The following EPB41L2 variants were observed in gnomAD, a reference collection of about 807,000 sequenced individuals.
EPB41L2 encodes erythrocyte membrane protein band 4.1 like 2.
Under a neutral mutation model 113.0 loss-of-function variants are expected in EPB41L2, and 43 were observed. The observed-to-expected ratio is 0.38, with a 90% confidence interval of 0.30 to 0.49. The LOEUF (loss-of-function observed/expected upper bound fraction) is 0.49. Ranked by LOEUF, EPB41L2 falls within the 20% of genes least tolerant of loss-of-function variation. The pLI is 0.95. For missense variants in EPB41L2, 1,147 were observed against 1,223.4 expected (o/e 0.94, Z 0.93); for synonymous variants, 442 against 436.7 (o/e 1.01, Z -0.15).
At chr6:130,910,907 A>G (rs1459309735) in intron 4 of EPB41L2, among the ~76,000 whole-genome samples, 1 of 152,216 alleles carries the variant, frequency 6.6e-6, no homozygotes, top group African/African-American at 2.4e-5. Flanking sequence ...AGAAACAGGA[A>G]CACTTTTACA....
intron 8 of EPB41L2, among the ~76,000 whole-genome samples, chr6:130,899,245 T>C (rs2128493715): frequency 6.6e-6 from 1 of 150,744 alleles, no homozygotes; most frequent in Middle Eastern, 3.5e-3. Flanking sequence ...AGGTGTGTCA[T>C]AGTAAGTACC....
At position 130,899,541 on chromosome 6, in the gene EPB41L2, C is replaced by T; in HGVS notation, c.1186G>A (p.Glu396Lys). The T allele has an allele frequency of 1.2e-6, 2 of 1,613,958 alleles. No homozygotes were observed. The highest frequency in any genetic ancestry group is 1.7e-6 in the Non-Finnish European group (2 of 1,179,870). The change falls in exon 8 of 20, where the codon GAA becomes AAA. Residue 396 changes from glutamate (E) to lysine (K), a missense_variant. Transcript: ENST00000337057. ...TACATGGAAAGCCTCTTTGCATTTT[C>T]TAAGAACTGGGAATCAGCTTGTGCT... ...SPAQADSQFL[E>K]NAKRLSMYGV...
intron 1 of EPB41L2, among the ~76,000 whole-genome samples, chr6:130,963,283 T>C (rs914531476): frequency 2.6e-5 from 4 of 152,210 alleles, no homozygotes; most frequent in Admixed American, 6.5e-5. Context: ...ATTAAGAAAC[T>C]GAGAGTACAT....
intron 1 of EPB41L2, among the ~76,000 whole-genome samples, chr6:131,007,485 A>G (rs1412920165): frequency 6.6e-6 from 1 of 152,188 alleles, no homozygotes; most frequent in African/African-American, 2.4e-5. Flanking sequence ...TGCCGCTGTA[A>G]AGATAACCGA....
chr6:130,997,596 G>A (rs569144992), intron 1 of EPB41L2, among the ~76,000 whole-genome samples: 22 of 152,204 alleles, frequency 1.4e-4, no homozygotes, highest in African/African-American at 4.6e-4. Flanking sequence ...CACAATACAC[G>A]CACAATTTAA....
intron 1 of EPB41L2, among the ~76,000 whole-genome samples, chr6:131,033,933 C>T (rs552877398): frequency 1.1e-4 from 16 of 152,090 alleles, no homozygotes; most frequent in South Asian, 2.1e-4. Flanking sequence ...GTTAAAATGG[C>T]AAATTTTTTA....
At chr6:131,059,113 A>ATTT (rs1798168810) in intron 1 of EPB41L2, among the ~76,000 whole-genome samples, 1 of 71,378 alleles carries the variant, frequency 1.4e-5, no homozygotes, top group Non-Finnish European at 2.9e-5. Context: ...CTTACCTATA[A>ATTT]CTTTTTTTTT....
At chr6:130,923,811 G>A (rs368795423) in intron 4 of EPB41L2, among the ~76,000 whole-genome samples, 15 of 152,210 alleles carry the variant, frequency 9.9e-5, no homozygotes, top group African/African-American at 3.6e-4. Context: ...TACACAGGTA[G>A]TGGGATTATT....
intron 16 of EPB41L2, among the ~76,000 whole-genome samples, chr6:130,866,457 G>A (rs1016356414): frequency 6.6e-6 from 1 of 152,080 alleles, no homozygotes; most frequent in African/African-American, 2.4e-5. Flanking sequence ...TTCAAACTTG[G>A]GTCATGCACC....
intron 1 of EPB41L2, among the ~76,000 whole-genome samples, chr6:130,991,050 C>G (rs963941542): frequency 6.6e-6 from 1 of 151,966 alleles, no homozygotes; most frequent in South Asian, 2.1e-4. Context: ...AGGATGGTCT[C>G]AATCTCGTAA....
intron 17 of EPB41L2, among the ~76,000 whole-genome samples, chr6:130,864,889 A>T (rs1043298689): frequency 6.6e-6 from 1 of 152,240 alleles, no homozygotes; most frequent in Non-Finnish European, 1.5e-5. Flanking sequence ...AAATAGTGGA[A>T]AATAAGGCTG....
intron 3 of EPB41L2, among the ~76,000 whole-genome samples, chr6:130,937,729 T>C (rs549050009): frequency 2.1e-4 from 32 of 151,390 alleles, no homozygotes; most frequent in Middle Eastern, 3.4e-3. Flanking sequence ...TGAGGCAGAA[T>C]TGCTTGAACC....
chr6:130,923,972 TTCC>T (rs757898212), intron 4 of EPB41L2, among the ~76,000 whole-genome samples: 26 of 152,270 alleles, frequency 1.7e-4, no homozygotes, highest in Non-Finnish European at 3.4e-4. Context: ...CATTAAACAA[TTCC>T]TCAACTCCCC....
intron 1 of EPB41L2, among the ~76,000 whole-genome samples, chr6:131,057,710 T>A (rs1433979432): frequency 6.6e-6 from 1 of 152,190 alleles, no homozygotes; most frequent in African/African-American, 2.4e-5. Flanking sequence ...AACTGAAGGG[T>A]AACATAAGTT....
chr6:130,922,773 T>G (rs1034401257), intron 4 of EPB41L2, among the ~76,000 whole-genome samples: 3 of 150,824 alleles, frequency 2.0e-5, no homozygotes, highest in Non-Finnish European at 4.4e-5. Context: ...ACCTCTGATT[T>G]TTTTAAAAAC....
chr6:130,959,598 G>T (rs925247324), intron 1 of EPB41L2, among the ~76,000 whole-genome samples: 3 of 152,186 alleles, frequency 2.0e-5, no homozygotes, highest in African/African-American at 7.2e-5. Flanking sequence ...TCAGGCATCT[G>T]AAATTCAAAA....
rs1307907043 is a variant in EPB41L2 at position 130,891,251 on chromosome 6, A to G, written c.1488-785T>C. Among the ~76,000 whole-genome samples the G allele has an allele frequency of 2.0e-5, 3 of 152,162 alleles. No individual in the cohort carries two copies. The East Asian group carries it at 5.8e-4, about 29-fold the overall frequency. On this transcript the variant is annotated intron_variant, in intron 10 of 19. Coordinates refer to ENST00000337057, the MANE Select transcript of EPB41L2 (RefSeq NM_001431.4). ...AACTTTTCCTATCATTTACTATGGAAGAGTGATTTCTTAAAGAACACTATC... is the reference window on the plus strand; with the variant it reads ...AACTTTTCCTATCATTTACTATGGAGGAGTGATTTCTTAAAGAACACTATC...
rs1245976840 is a variant in EPB41L2, at chr6:130,870,242, G to A, written c.2044-116C>T. The A allele has an allele frequency of 2.0e-6, 3 of 1,529,412 alleles. No individual in the cohort carries two copies. In the African/African-American group the frequency reaches 4.1e-5, roughly 21 times the overall value. The allele number at this position is 1,529,412 out of a possible 1,614,324, so 94.7% of individuals were successfully genotyped here. A position where few individuals can be genotyped will look rare whatever the true frequency, so the allele number is the denominator to read the frequency against. On this transcript the variant is annotated intron_variant, in intron 14 of 19. Transcript: ENST00000337057. ...CATGGAGAAAAACAAAGATGATTATGATGGCTGACTGAAAGGGAAGCGGGG... is the reference window on the plus strand; with the variant it reads ...CATGGAGAAAAACAAAGATGATTATAATGGCTGACTGAAAGGGAAGCGGGG...
At chr6:131,006,190 G>C (rs1352090194) in intron 1 of EPB41L2, among the ~76,000 whole-genome samples, 1 of 151,536 alleles carries the variant, frequency 6.6e-6, no homozygotes, top group African/African-American at 2.4e-5. Flanking sequence ...CTGAGTAGCT[G>C]GGATTACAGG....
Sources: gnomAD v4.1 joint callset for allele counts (sites outside exome capture counted in the v4.1 genomes callset) on GRCh38, gnomAD v4.1.1 for gene constraint, MANE v1.5 for transcripts, NCBI Gene and HGNC (gene_info 2026-07-23, HGNC 2026-07-21) for gene names.